The following RYR3 variants were observed in gnomAD, a reference collection of about 807,000 sequenced individuals.
RYR3 encodes ryanodine receptor 3.
RYR3 carries 207 observed loss-of-function variants against 584.3 expected under a neutral mutation model. The ratio of observed to expected loss-of-function variants is 0.35; its 90% CI spans 0.32 to 0.40. The LOEUF is 0.40. RYR3 is among the 10% of genes least tolerant of loss of function. RYR3 has a pLI of 1.00. For synonymous variants in RYR3, 2,416 were observed against 2,248.5 expected (o/e 1.07, Z -2.11); for missense variants, 5,616 against 6,089.2 (o/e 0.92, Z 2.59).
intron 32 of RYR3, among the ~76,000 whole-genome samples, chr15:33,653,847 C>T (rs1361948923): frequency 6.6e-6 from 1 of 152,174 alleles, no homozygotes. Flanking sequence ...GAAACTGCCA[C>T]ATATCACATC....
intron 12 of RYR3, among the ~76,000 whole-genome samples, chr15:33,570,850 T>C (rs1279246479): frequency 6.6e-6 from 1 of 152,140 alleles, no homozygotes; most frequent in African/African-American, 2.4e-5. Context: ...AATTATTTTT[T>C]TGATTTCATT....
At chr15:33,697,081 A>G (rs1194607433) in intron 39 of RYR3, among the ~76,000 whole-genome samples, 2 of 152,168 alleles carry the variant, frequency 1.3e-5, no homozygotes, top group East Asian at 3.9e-4. Flanking sequence ...AAGATTCACT[A>G]ACCAGCCTAC....
At chr15:33,479,606 A>G (rs1406006022) in intron 2 of RYR3, among the ~76,000 whole-genome samples, 1 of 151,810 alleles carries the variant, frequency 6.6e-6, no homozygotes, top group Non-Finnish European at 1.5e-5. Context: ...GTCCTCATTT[A>G]CAGAGAAGAA....
chr15:33,537,958 C>CT lies in RYR3; in HGVS notation c.434-1389dup, dbSNP rs576084881. Among the ~76,000 whole-genome samples the CT allele has an allele frequency of 1.7e-3, 264 of 152,012 alleles. 1 individual carries two copies. The highest frequency in any genetic ancestry group is 6.8e-3 in the Middle Eastern group (2 of 294). ...CCTTCCTTCTGGAAGAATTTTTCAG[C>CT]TTTATCCCACCACCTTTTTCTTTTC... On this transcript the variant is annotated intron_variant, in intron 5 of 103. Coordinates refer to ENST00000634891, the MANE Select transcript of RYR3 (RefSeq NM_001036.6).
chr15:33,424,310 G>A lies in RYR3; in HGVS notation c.52-49109G>A, dbSNP rs147057431. The stretch of plus-strand genomic sequence containing the variant: ...CTATTGTGAAGACAAGACAGGTCAA[G>A]CCCTTAGTACATTGCTTGGCACATA... On this transcript the variant is annotated intron_variant, in intron 1 of 103. Transcript: ENST00000634891. 4.1e-3 allele frequency among the ~76,000 whole-genome samples: 627 copies of A among 152,334 alleles called. 16 individuals are homozygous for A. Among genetic ancestry groups the A allele is most frequent in the Non-Finnish European group, 1.0e-3 (71 of 68,030 alleles).
chr15:33,464,467 T>TATATATATATATATATATATATACAC lies in RYR3; in HGVS notation c.52-8940_52-8915dup, dbSNP rs1209212126. ...GAGAGACTGTAGGGAGGTGGAGATA[T>TATATATATATATATATATATATACAC]ATATATATATATATATATATATACA... On this transcript the variant is annotated intron_variant, in intron 1 of 103. Coordinates refer to ENST00000634891, the MANE Select transcript of RYR3 (RefSeq NM_001036.6). Among the ~76,000 whole-genome samples the TATATATATATATATATATATATACAC allele has an allele frequency of 2.7e-4, 20 of 75,358 alleles. 2 individuals carry two copies. The South Asian group carries it at 6.2e-3, about 23-fold the overall frequency. The allele number at this position is 75,358 out of a possible 152,430, so 49.4% of individuals were successfully genotyped here.
At chr15:33,602,762 T>G (rs1319485200) in intron 17 of RYR3, among the ~76,000 whole-genome samples, 5 of 66,142 alleles carry the variant, frequency 7.6e-5, no homozygotes, top group African/African-American at 2.2e-4. Flanking sequence ...TTTTTTTTTT[T>G]GGAGACAAGG....
intron 1 of RYR3, among the ~76,000 whole-genome samples, chr15:33,395,495 G>A (rs2042244752): frequency 6.6e-6 from 1 of 152,334 alleles, no homozygotes; most frequent in South Asian, 2.1e-4. Flanking sequence ...TGAAATGTCA[G>A]CCCGGGCTCT....
At chr15:33,374,396 G>A (rs1049577348) in intron 1 of RYR3, among the ~76,000 whole-genome samples, 7 of 139,504 alleles carry the variant, frequency 5.0e-5, no homozygotes, top group African/African-American at 1.7e-4. Context: ...GTGTGTGTGT[G>A]TGTATATATA....
intron 67 of RYR3, among the ~76,000 whole-genome samples, chr15:33,792,357 C>G (rs1311281468): frequency 6.6e-6 from 1 of 152,132 alleles, no homozygotes; most frequent in African/African-American, 2.4e-5. Flanking sequence ...GCCTCTCCCC[C>G]AACCCGAGTC....
intron 1 of RYR3, among the ~76,000 whole-genome samples, chr15:33,383,061 A>G (rs1423443623): frequency 6.6e-6 from 1 of 152,042 alleles, no homozygotes; most frequent in Non-Finnish European, 1.5e-5. Flanking sequence ...CTGTTAGGCC[A>G]TAGTGAGGAA....
Position 33,550,224 on chromosome 15 carries a change from T to C in RYR3, c.880T>C (p.Tyr294His). ...FRLRHLTTGH[Y>H]LALTEDQGLI... ...ACTCCGGCATCTCACCACAGGCCAC[T>C]ACCTGGCCTTGACAGAAGACCAAGG... Residue 294 changes from tyrosine to histidine, a missense_variant, in exon 10 of 104, where the codon TAC (tyrosine) becomes CAC (histidine). Physicochemically the swap from Tyr to His is moderately conservative, Grantham distance 83. This residue lies in a region of RYR3 where 1,284 missense variants were observed against 1,344.6 expected (regional missense o/e 0.95). Transcript: ENST00000634891. 6.2e-7 allele frequency: 1 copy of C among 1,613,690 alleles called. No individual in the cohort carries two copies. Among genetic ancestry groups the C allele is most frequent in the Non-Finnish European group, 8.5e-7 (1 of 1,179,686 alleles).
intron 2 of RYR3, among the ~76,000 whole-genome samples, chr15:33,479,255 T>C (rs2049729947): frequency 6.6e-6 from 1 of 152,148 alleles, no homozygotes; most frequent in Admixed American, 6.5e-5. Flanking sequence ...TTTAGATTCT[T>C]TAGCTGAGAA....
At chr15:33,707,689 C>T (rs1317143302) in intron 43 of RYR3, among the ~76,000 whole-genome samples, 1 of 152,122 alleles carries the variant, frequency 6.6e-6, no homozygotes, top group Non-Finnish European at 1.5e-5. Flanking sequence ...AATACTAATT[C>T]ATTTGTATTG....
At chr15:33,348,095 A>T (rs907718350) in intron 1 of RYR3, among the ~76,000 whole-genome samples, 1 of 152,152 alleles carries the variant, frequency 6.6e-6, no homozygotes, top group Non-Finnish European at 1.5e-5. Context: ...TGATATCTTC[A>T]ACTCTATACA....
chr15:33,717,757 G>C (rs1596299634), intron 43 of RYR3, among the ~76,000 whole-genome samples: 2 of 152,228 alleles, frequency 1.3e-5, no homozygotes, highest in South Asian at 4.1e-4. Context: ...GGGTGGCTCT[G>C]TTCCACTGGT....
intron 1 of RYR3, among the ~76,000 whole-genome samples, chr15:33,330,066 G>A (rs1970195649): frequency 6.6e-6 from 1 of 152,156 alleles, no homozygotes; most frequent in African/African-American, 2.4e-5. Context: ...GCCAAGAACA[G>A]TCATAAGTCA....
At chr15:33,773,693 T>A in intron 64 of RYR3, 78 bp downstream of exon 64, 1 of 950,738 alleles carries the variant, frequency 1.1e-6, no homozygotes, top group Non-Finnish European at 1.7e-6. Flanking sequence ...CTTAATGATA[T>A]CATTTCAATC....
chr15:33,855,675 T>TAC (rs1020555339), intron 98 of RYR3, among the ~76,000 whole-genome samples: 9 of 151,204 alleles, frequency 6.0e-5, no homozygotes, highest in South Asian at 2.1e-4. Flanking sequence ...TGATTTCAGA[T>TAC]ACACACACAC....
Sources: allele counts gnomAD v4.1 joint callset (sites outside exome capture counted in the v4.1 genomes callset), GRCh38; gene constraint gnomAD v4.1.1; regional missense constraint gnomAD v4.1.1; transcripts MANE v1.5; gene names NCBI Gene and HGNC (gene_info 2026-07-23, HGNC 2026-07-21).